Variants in ITPR2 observed in about 807,000 individuals in gnomAD.
The protein encoded by ITPR2 is inositol 1,4,5-trisphosphate receptor type 2, also known as inositol 1,4,5-trisphosphate-gated calcium channel ITPR2.
Under a neutral mutation model 317.1 loss-of-function variants are expected in ITPR2, and 207 were observed. The observed-to-expected ratio is 0.65, with a 90% confidence interval of 0.58 to 0.73. ITPR2 has a LOEUF of 0.73. Among genes scored for constraint, ITPR2 ranks in the 30% least tolerant of loss-of-function variants. The pLI, the probability that ITPR2 is intolerant of heterozygous loss-of-function variation, is 0.00. For missense variants in ITPR2, 2,613 were observed against 3,284.0 expected, an observed-to-expected ratio of 0.80 and a Z score of 4.99; for synonymous variants, 1,156 against 1,149.1, an observed-to-expected ratio of 1.01 and a Z score of -0.12.
chr12:26,492,459 CAAAA>C (rs11300033), intron 39 of ITPR2, among the ~76,000 whole-genome samples: 1 of 142,548 alleles, frequency 7.0e-6, no homozygotes. Context: ...TGCCCCCCAC[CAAAA>C]AAAAAAAAAA....
At chr12:26,657,935 C>G in intron 17 of ITPR2, 43 bp from the exon 18 acceptor site, 1 of 1,606,046 alleles carries the variant, frequency 6.2e-7, no homozygotes, top group Non-Finnish European at 8.5e-7. Flanking sequence ...AAAAAGTACA[C>G]TTGTAAATAT....
chr12:26,593,862 G>C (rs959382125), intron 32 of ITPR2, among the ~76,000 whole-genome samples: 1 of 151,988 alleles, frequency 6.6e-6, no homozygotes, highest in Non-Finnish European at 1.5e-5. Context: ...GCTTTCTTTG[G>C]TTTAAAAAAT....
At chr12:26,590,149 G>T (rs1945663673) in intron 32 of ITPR2, among the ~76,000 whole-genome samples, 1 of 151,998 alleles carries the variant, frequency 6.6e-6, no homozygotes, top group Non-Finnish European at 1.5e-5. Context: ...TGCTACAGCA[G>T]CCCTCCCACT....
intron 1 of ITPR2, among the ~76,000 whole-genome samples, chr12:26,819,491 C>G (rs1354011290): frequency 6.6e-6 from 1 of 152,138 alleles, no homozygotes; most frequent in Admixed American, 6.5e-5. Context: ...GTCATATGCC[C>G]TATTCTATCT....
chr12:26,763,758 T>C (rs1298671030), intron 2 of ITPR2, among the ~76,000 whole-genome samples: 7 of 152,126 alleles, frequency 4.6e-5, no homozygotes, highest in Admixed American at 3.9e-4. Context: ...AAGGGACTTA[T>C]ATGATTACCT....
In ITPR2 at chr12:26,549,204, C is replaced by T. The variant is rs144485558; in HGVS notation, c.5073+1043G>A. On this transcript the variant is annotated intron_variant, in intron 37 of 56. Transcript: ENST00000381340. ...GAGTCCTATCTTAGAGAAATATTTG[C>T]TAAAATTGCATTGACCACCTTTATT... is the stretch of plus-strand genomic sequence containing the variant. Among the ~76,000 whole-genome samples the T allele has an allele frequency of 3.1e-3, 471 of 152,204 alleles. 2 individuals carry two copies. The highest frequency in any genetic ancestry group is 0.011 in the African/African-American group (447 of 41,538).
At chr12:26,600,264 C>T (rs1438656577) in intron 28 of ITPR2, among the ~76,000 whole-genome samples, 155 bp from the exon 29 acceptor site, 2 of 151,542 alleles carry the variant, frequency 1.3e-5, no homozygotes, top group Non-Finnish European at 2.9e-5. Context: ...TCCCAGTTTC[C>T]CCTCCTGTCC....
At position 26,682,690 on chromosome 12, in the gene ITPR2, A is replaced by G; in HGVS notation, c.1149-17T>C. On this transcript the variant is annotated splice_polypyrimidine_tract_variant and intron_variant, in intron 11 of 56. Coordinates refer to ENST00000381340, the MANE Select transcript of ITPR2 (RefSeq NM_002223.4). ...TATGAGTTCCTAAAAGCAAAACAAT[A>G]TAAAAAAACAAATTATAAAAAATTA... 6.6e-7 allele frequency: 1 copy of G among 1,507,860 alleles called. No homozygotes were observed. Among genetic ancestry groups the G allele is most frequent in the Non-Finnish European group, 9.2e-7 (1 of 1,092,466 alleles). The allele number at this position is 1,507,860 out of a possible 1,614,324, so 93.4% of individuals were successfully genotyped here.
At chr12:26,785,483 C>T (rs1592129816) in intron 2 of ITPR2, among the ~76,000 whole-genome samples, 4 of 70,882 alleles carry the variant, frequency 5.6e-5, no homozygotes, top group Admixed American at 1.2e-4. Context: ...TGAGGGGCGC[C>T]TCTGCCCGGC....
intron 32 of ITPR2, among the ~76,000 whole-genome samples, chr12:26,587,243 T>C (rs2137089648): frequency 6.7e-6 from 1 of 150,110 alleles, no homozygotes; most frequent in South Asian, 2.1e-4. Flanking sequence ...AGAGATAAAA[T>C]TCCTGTCTTT....
chr12:26,415,982 G>T (rs1044136561), intron 50 of ITPR2, among the ~76,000 whole-genome samples: 4 of 152,238 alleles, frequency 2.6e-5, no homozygotes, highest in South Asian at 4.1e-4. Context: ...TTAATCAAGG[G>T]ATTAGAGGTG....
At chr12:26,379,071 C>T (rs756608113) in intron 55 of ITPR2, among the ~76,000 whole-genome samples, 18 of 152,294 alleles carry the variant, frequency 1.2e-4, no homozygotes, top group African/African-American at 3.9e-4. Flanking sequence ...TGTATGGGAT[C>T]GAATACTAAT....
Position 26,476,894 on chromosome 12 carries a change from T to G in ITPR2, c.6219+18A>C. ...TTAGGCTACCCAATATTGACCAAGC[T>G]TTTAAAAGTTTTCTTACCAGTTCTC... On this transcript the variant is annotated intron_variant, in intron 44 of 56. Transcript: ENST00000381340. 1 of 1,569,366 alleles carries G rather than the reference T, an allele frequency of 6.4e-7. No homozygotes were observed. Among genetic ancestry groups the G allele is most frequent in the South Asian group, 1.1e-5 (1 of 89,310 alleles).
chr12:26,668,108 T>C (rs1947668212), intron 13 of ITPR2, among the ~76,000 whole-genome samples: 1 of 152,234 alleles, frequency 6.6e-6, no homozygotes, highest in South Asian at 2.1e-4. Context: ...GATTCTATAC[T>C]GGGCAGTGGG....
intron 2 of ITPR2, among the ~76,000 whole-genome samples, chr12:26,767,068 C>T (rs1268398304): frequency 6.6e-6 from 1 of 152,130 alleles, no homozygotes; most frequent in Middle Eastern, 3.2e-3. Context: ...GGCTGCCAGT[C>T]CCCCAGTCAT....
intron 39 of ITPR2, among the ~76,000 whole-genome samples, chr12:26,491,311 G>A (rs182607357): frequency 2.8e-4 from 43 of 151,596 alleles, no homozygotes; most frequent in African/African-American, 8.7e-4. Context: ...GTGAAACCCC[G>A]TCTCTACTAA....
chr12:26,380,189 T>C (rs1483209356), intron 55 of ITPR2, among the ~76,000 whole-genome samples: 3 of 152,252 alleles, frequency 2.0e-5, no homozygotes, highest in Non-Finnish European at 2.9e-5. Flanking sequence ...TTCTTCTTCA[T>C]CTTCATCTTA....
chr12:26,616,663 C>T (rs146433233), intron 26 of ITPR2, among the ~76,000 whole-genome samples: 34 of 152,150 alleles, frequency 2.2e-4, no homozygotes, highest in African/African-American at 7.7e-4. Flanking sequence ...AAATAGCAAA[C>T]AAATCCAGAA....
chr12:26,378,074 G>A (rs1939397324), intron 55 of ITPR2, among the ~76,000 whole-genome samples: 1 of 151,530 alleles, frequency 6.6e-6, no homozygotes, highest in South Asian at 2.1e-4. Flanking sequence ...CTATATACTG[G>A]GCATTAATTT....
Sources: gnomAD v4.1 joint callset for allele counts (sites outside exome capture counted in the v4.1 genomes callset) on GRCh38, gnomAD v4.1.1 for gene constraint, MANE v1.5 for transcripts, NCBI Gene and HGNC (gene_info 2026-07-23, HGNC 2026-07-21) for gene names.